Variants in RASGRF2 observed in about 807,000 individuals in gnomAD.
RASGRF2 encodes the protein ras-specific guanine nucleotide-releasing factor 2.
RASGRF2 carries 76 observed loss-of-function variants against 151.0 expected under a neutral mutation model. The observed-to-expected ratio is 0.50, with a 90% CI of 0.42 to 0.61. The LOEUF is 0.61. RASGRF2 is among the 20% of genes least tolerant of loss of function. RASGRF2 has a pLI of 0.00. For synonymous variants in RASGRF2, 504 were observed against 566.5 expected (o/e 0.89, Z 1.57); for missense variants, 1,148 against 1,564.6 (o/e 0.73, Z 4.49).
At chr5:81,211,134 A>C (rs1362009009) in intron 22 of RASGRF2, among the ~76,000 whole-genome samples, 4 of 135,966 alleles carry the variant, frequency 2.9e-5, no homozygotes, top group South Asian at 2.6e-4. Flanking sequence ...ATAGAGCAAG[A>C]TCCTGTCTCC....
At chr5:81,096,235 G>A (rs900694468) in intron 12 of RASGRF2, 1 of 152,090 alleles carries the variant, frequency 6.6e-6, no homozygotes, top group Admixed American at 6.5e-5. Flanking sequence ...TTCCATTTTT[G>A]TGGACTTGCA....
intron 2 of RASGRF2, among the ~76,000 whole-genome samples, chr5:81,049,811 G>A (rs536615435): frequency 6.6e-6 from 1 of 152,214 alleles, no homozygotes; most frequent in South Asian, 2.1e-4. Context: ...GTCCTGGGCA[G>A]GCTGACTCCA....
chr5:81,151,152 T>C (rs577451913), intron 17 of RASGRF2, among the ~76,000 whole-genome samples: 98 of 152,342 alleles, frequency 6.4e-4, no homozygotes, highest in Non-Finnish European at 1.3e-3. Context: ...TCACAAGATA[T>C]CTGACTGCGA....
At position 81,123,705 on chromosome 5, in the gene RASGRF2, C is replaced by T. The variant is rs1462311313; in HGVS notation, c.2534C>T (p.Thr845Ile). 10 of 1,613,994 alleles carry T rather than the reference C, an allele frequency of 6.2e-6. No homozygotes were observed. Among genetic ancestry groups the T allele is most frequent in the Non-Finnish European group, 8.5e-6 (10 of 1,179,944 alleles). Residue 845 changes from threonine (T) to isoleucine (I), a missense_variant, in exon 16 of 27, where the codon ACA becomes ATA. By Grantham distance (89) the Thr-to-Ile change is moderately conservative. Around this residue, in one of 5 missense-constraint regions of RASGRF2, gnomAD observed 646 missense variants for 807.4 expected, o/e 0.80. Transcript: ENST00000265080. Reference protein sequence around the residue: ...GVESSPAADTTELSPCRSPST... With the variant: ...GVESSPAADTIELSPCRSPST... ...GAAAGCTCCCCTGCAGCGGACACCA[C>T]AGAACTTTCACCTTGCAGATCCCCC...
intron 23 of RASGRF2, among the ~76,000 whole-genome samples, chr5:81,213,522 C>G (rs528645352): frequency 1.3e-5 from 2 of 152,276 alleles, no homozygotes; most frequent in East Asian, 3.9e-4. Context: ...GGTCCCAGAC[C>G]GGAAGATCTA....
At position 81,080,617 on chromosome 5, in the gene RASGRF2, T is replaced by C; in HGVS notation, c.989T>C (p.Leu330Pro). The stretch of plus-strand genomic sequence containing the variant: ...GCAGCTGATCTGTTTGATATTTTGC[T>C]CCCCATGCTGAACATTTATCAAGAA... Reference protein sequence around the residue: ...LILADLFDILLPMLNIYQEFV... With the variant: ...LILADLFDILPPMLNIYQEFV... The change falls in exon 7 of 27, where the codon CTC becomes CCC. Residue 330 changes from leucine to proline, a missense_variant. Leu to Pro is a moderately conservative substitution (Grantham distance 98, BLOSUM62 -3). Coordinates refer to ENST00000265080, the MANE Select transcript of RASGRF2 (RefSeq NM_006909.3). 5.6e-6 allele frequency: 9 copies of C among 1,613,882 alleles called. No homozygotes were observed. Among genetic ancestry groups the C allele is most frequent in the Non-Finnish European group, 6.8e-6 (8 of 1,179,872 alleles).
Position 81,025,531 on chromosome 5 carries a change from C to T in RASGRF2, c.289-17346C>T, listed in dbSNP as rs185419183. 1.9e-3 allele frequency among the ~76,000 whole-genome samples: 296 copies of T among 152,282 alleles called. 4 individuals carry two copies. The highest frequency in any genetic ancestry group is 2.8e-3 in the African/African-American group (118 of 41,552). On this transcript the variant is annotated intron_variant, in intron 1 of 26. Transcript: ENST00000265080. ...AATTTATGATCTCCAAGAGTTTGGC[C>T]GTTTCAAATCTAACTCTTTTATGGC...
chr5:81,225,456 T>C (rs1755951233), intron 26 of RASGRF2, among the ~76,000 whole-genome samples: 1 of 150,980 alleles, frequency 6.6e-6, no homozygotes, highest in African/African-American at 2.4e-5. Context: ...GTAACAGTAG[T>C]TCCTCTTGAG....
At chr5:81,087,330 C>T (rs1347807513) in intron 9 of RASGRF2, 2 of 702,930 alleles carry the variant, frequency 2.8e-6, no homozygotes, top group Admixed American at 2.0e-5. Flanking sequence ...TGCTCAAAGC[C>T]CTTTCACATA....
intron 1 of RASGRF2, among the ~76,000 whole-genome samples, chr5:80,965,765 G>A (rs1031997598): frequency 6.6e-6 from 1 of 152,146 alleles, no homozygotes. Flanking sequence ...ATAACCAAAT[G>A]TTTCTGGTTT....
chr5:80,995,834 A>G (rs1008773908), intron 1 of RASGRF2, among the ~76,000 whole-genome samples: 1 of 151,832 alleles, frequency 6.6e-6, no homozygotes, highest in African/African-American at 2.4e-5. Flanking sequence ...CTGTGATGAC[A>G]GGCATGTACC....
At chr5:81,096,375 C>T (rs1752548446) in intron 12 of RASGRF2, 2 of 152,294 alleles carry the variant, frequency 1.3e-5, no homozygotes, top group East Asian at 1.9e-4. Flanking sequence ...ACTCTTTGAA[C>T]ATTTATTGAG....
intron 22 of RASGRF2, 35 bp downstream of exon 22, chr5:81,208,473 C>T (rs373058229): frequency 8.9e-6 from 13 of 1,457,188 alleles, no homozygotes; most frequent in Non-Finnish European, 1.0e-5. Context: ...GTGGGCGTGT[C>T]ACAAGAAGAT....
chr5:81,116,492 C>A (rs746583122), intron 15 of RASGRF2, among the ~76,000 whole-genome samples: 2 of 152,126 alleles, frequency 1.3e-5, no homozygotes, highest in South Asian at 2.1e-4. Flanking sequence ...TGTTAGTAGT[C>A]CTCTTAGGGC....
intron 1 of RASGRF2, among the ~76,000 whole-genome samples, chr5:80,981,105 C>G (rs537013648): frequency 6.9e-4 from 105 of 152,330 alleles, no homozygotes; most frequent in South Asian, 6.4e-3. Flanking sequence ...ACTCCCAATA[C>G]AGCAATACTA....
chr5:81,183,266 A>C, intron 18 of RASGRF2: 1 of 982,118 alleles, frequency 1.0e-6, no homozygotes, highest in Non-Finnish European at 1.2e-6. Flanking sequence ...TAGAGAATCA[A>C]GGCTGCCACA....
chr5:80,996,357 T>C (rs988613895), intron 1 of RASGRF2, among the ~76,000 whole-genome samples: 1 of 152,128 alleles, frequency 6.6e-6, no homozygotes, highest in Non-Finnish European at 1.5e-5. Flanking sequence ...CACTTTTGTT[T>C]CCGTTCTGTA....
chr5:81,227,717 G>GAACTAA lies in RASGRF2; in HGVS notation c.*1951_*1956dup, dbSNP rs1756028109. Reference sequence around the variant, plus strand: ...GCTCAAAAGCATAGTCCTGAAGGGTGAACTAAAACCGGGACAAATCTGTGA... The same window carrying GAACTAA: ...GCTCAAAAGCATAGTCCTGAAGGGTGAACTAAAACTAAAACCGGGACAAATCTGTGA... On this transcript the variant is annotated 3_prime_UTR_variant, in exon 27 of 27. Coordinates refer to ENST00000265080, the MANE Select transcript of RASGRF2 (RefSeq NM_006909.3). 6.6e-6 allele frequency: 1 copy of GAACTAA among 152,194 alleles called. No homozygotes were observed. The highest frequency in any genetic ancestry group is 6.5e-5 in the Admixed American group (1 of 15,282). The allele number at this position is 152,194 out of a possible 1,614,324, so 9.4% of individuals were successfully genotyped here.
intron 1 of RASGRF2, among the ~76,000 whole-genome samples, chr5:80,994,403 A>G (rs1377278289): frequency 6.6e-6 from 1 of 151,898 alleles, no homozygotes; most frequent in Admixed American, 6.6e-5. Flanking sequence ...GGTCAAAGCA[A>G]CGATCGAACT....
Sources: allele counts gnomAD v4.1 joint callset (sites outside exome capture counted in the v4.1 genomes callset), GRCh38; gene constraint gnomAD v4.1.1; regional missense constraint gnomAD v4.1.1; transcripts MANE v1.5; gene names NCBI Gene and HGNC (gene_info 2026-07-23, HGNC 2026-07-21).